SYT7: variants seen among roughly 807,000 people sequenced by gnomAD.
The protein encoded by SYT7 is synaptotagmin 7, also known as synaptotagmin-7.
A neutral mutation model predicts 75.1 loss-of-function variants in SYT7; 29 were observed. The ratio of observed to expected loss-of-function variants is 0.39; its 90% CI spans 0.29 to 0.53. The LOEUF is 0.53. Ranked by LOEUF, SYT7 falls within the 20% of genes least tolerant of loss-of-function variation. SYT7 has a pLI of 0.77. For missense variants in SYT7, 693 were observed against 953.2 expected (o/e 0.73, Z 3.59); for synonymous variants, 376 against 401.7 (o/e 0.94, Z 0.76).
At chr11:61,562,941 G>A (rs1012628031) in intron 1 of SYT7, among the ~76,000 whole-genome samples, 3 of 152,150 alleles carry the variant, frequency 2.0e-5, no homozygotes, top group African/African-American at 7.2e-5. Context: ...GCAGGAGAGG[G>A]AATGGCTTTC....
rs1340510632 is a variant in SYT7, at chr11:61,523,850, G to A, written c.1733C>T (p.Ala578Val). Residue 578 changes from alanine to valine, a missense_variant, in exon 11 of 13, where the codon GCC becomes GTC. Ala to Val is a moderately conservative substitution (Grantham distance 64). Transcript: ENST00000539008. The surrounding 1 kb of genome is among the most constrained non-coding windows in gnomAD (Gnocchi z 5.0). ...VNIIKARNLK[A>V]MDIGGTSDPY... ...ACCTGATGTGCCCCCGATGTCCATG[G>A]CTTTGAGGTTCCGGGCTTTGATGAT... 1 of 1,613,900 alleles carries A rather than the reference G, an allele frequency of 6.2e-7. No individual in the cohort carries two copies. Among genetic ancestry groups the A allele is most frequent in the African/African-American group, 1.3e-5 (1 of 74,890 alleles).
rs1195970412 is a variant in SYT7 at position 61,546,667 on chromosome 11, G to A, written c.348-412C>T. The A allele has an allele frequency of 6.5e-6, 3 of 462,398 alleles. No homozygotes were observed. 28.6% of individuals were successfully genotyped at this position (462,398 alleles called of 1,614,324 possible). A position where few individuals can be genotyped will look rare whatever the true frequency, so the allele number is the denominator to read the frequency against. On this transcript the variant is annotated intron_variant, in intron 4 of 12. Transcript: ENST00000539008. This position sits in a 1 kb window ranked among gnomAD's most constrained non-coding sequence, Gnocchi z 7.6. The stretch of plus-strand genomic sequence containing the variant: ...CGACGGAGGAAGAGCGGGCTGTCCA[G>A]GCCAGGAGGCCCCAAGGCAGGGAGA...
Position 61,523,270 on chromosome 11 carries a change from G to A in SYT7, c.1761C>T (p.Pro587=). ...KAMDIGGTSD[P]YVKVWLMYKD... is the part of the protein sequence containing the mutation. ...TGTACATCAGCCATACCTTCACGTA[G>A]GGGTCTAGGGGAGGGAGTGGGGAAG... Residue 587 remains proline, a synonymous_variant, in exon 12 of 13, where the codon CCC becomes CCT. Coordinates refer to ENST00000539008, the MANE Select transcript of SYT7 (RefSeq NM_001365809.2). The surrounding 1 kb of genome is among the most constrained non-coding windows in gnomAD (Gnocchi z 5.0). 6.2e-7 allele frequency: 1 copy of A among 1,614,196 alleles called. No individual in the cohort carries two copies. Among genetic ancestry groups the A allele is most frequent in the East Asian group, 2.2e-5 (1 of 44,874 alleles).
At chr11:61,557,963 G>A (rs1180922187) in intron 1 of SYT7, among the ~76,000 whole-genome samples, 2 of 152,228 alleles carry the variant, frequency 1.3e-5, no homozygotes, top group Non-Finnish European at 2.9e-5. Flanking sequence ...GGACTCCAGG[G>A]AAGGGATGGG....
At position 61,517,110 on chromosome 11, in the gene SYT7, G is replaced by A. The variant is rs1167954193; in HGVS notation, c.*1517C>T. The A allele has an allele frequency of 2.5e-6, 1 of 396,330 alleles. No homozygotes were observed. The highest frequency in any genetic ancestry group is 4.4e-6 in the Non-Finnish European group (1 of 225,200). 24.6% of individuals were successfully genotyped at this position (396,330 alleles called of 1,614,324 possible). On this transcript the variant is annotated 3_prime_UTR_variant, in exon 13 of 13. Coordinates refer to ENST00000539008, the MANE Select transcript of SYT7 (RefSeq NM_001365809.2). The stretch of plus-strand genomic sequence containing the variant: ...GACTGTGGGGGCCTGGCGCCACCTG[G>A]CGGTAGTTCTGGGAATGTCAGGCCC...
chr11:61,545,418 G>A (rs906290133), intron 5 of SYT7, among the ~76,000 whole-genome samples: 3 of 152,264 alleles, frequency 2.0e-5, no homozygotes, highest in Non-Finnish European at 2.9e-5. Flanking sequence ...GACAGCCAAC[G>A]GGGATGGCTG....
At position 61,532,935 on chromosome 11, in the gene SYT7, C is replaced by G. The variant is rs780191197; in HGVS notation, c.1200+54G>C. 8.6e-5 allele frequency: 138 copies of G among 1,602,216 alleles called. 1 individual carries two copies. In the African/African-American group the frequency reaches 1.0e-3, roughly 12 times the overall value. Reference sequence around the variant, plus strand: ...CCCACACACATCCCTCTTCTTCCTGCCCCTGGCCTCCCAGCCCAGTTCCTT... The same window carrying G: ...CCCACACACATCCCTCTTCTTCCTGGCCCTGGCCTCCCAGCCCAGTTCCTT... On this transcript the variant is annotated intron_variant, in intron 8 of 12. Coordinates refer to ENST00000539008, the MANE Select transcript of SYT7 (RefSeq NM_001365809.2).
At chr11:61,554,557 CT>C (rs2063440979) in intron 2 of SYT7, among the ~76,000 whole-genome samples, 1 of 152,190 alleles carries the variant, frequency 6.6e-6, no homozygotes, top group Non-Finnish European at 1.5e-5. Context: ...TCAGCGCCTG[CT>C]CATGCAGCCT....
intron 6 of SYT7, chr11:61,541,426 G>T: frequency 2.2e-6 from 1 of 460,348 alleles, no homozygotes; most frequent in Non-Finnish European, 2.9e-6. Context: ...TTCCTGGGTG[G>T]GGCCCCTCCA....
chr11:61,587,011 C>G, the SYT7 span, among the ~76,000 whole-genome samples: 1 of 152,148 alleles, frequency 6.6e-6, no homozygotes, highest in African/African-American at 2.4e-5. Flanking sequence ...TGATGGGAAC[C>G]AAGCAGAAGC....
At chr11:61,564,404 T>C (rs1460108960) in intron 1 of SYT7, among the ~76,000 whole-genome samples, 1 of 152,228 alleles carries the variant, frequency 6.6e-6, no homozygotes, top group African/African-American at 2.4e-5. Flanking sequence ...CCCAAGTGTC[T>C]TTCATTACAG....
rs1256576239 is a variant in SYT7 at position 61,546,635 on chromosome 11, G to A, written c.348-380C>T. ...CAACTCTATCCCACAGGACAACGAA[G>A]GGTTAACGACGGAGGAAGAGCGGGC... On this transcript the variant is annotated intron_variant, in intron 4 of 12. Coordinates refer to ENST00000539008, the MANE Select transcript of SYT7 (RefSeq NM_001365809.2). This position sits in a 1 kb window ranked among gnomAD's most constrained non-coding sequence, Gnocchi z 7.6. 2.1e-6 allele frequency: 1 copy of A among 470,546 alleles called. No individual in the cohort carries two copies. The highest frequency in any genetic ancestry group is 6.5e-5 in the East Asian group (1 of 15,424). The allele number at this position is 470,546 out of a possible 1,614,324, so 29.1% of individuals were successfully genotyped here.
At chr11:61,522,187 CTTTTT>C (rs60616538) in intron 12 of SYT7, among the ~76,000 whole-genome samples, 2 of 114,274 alleles carry the variant, frequency 1.8e-5, no homozygotes, top group African/African-American at 3.4e-5. Flanking sequence ...GAAGAGATCA[CTTTTT>C]TTTTTTTTTT....
At chr11:61,568,021 C>A (rs955501427) in intron 1 of SYT7, among the ~76,000 whole-genome samples, 6 of 152,228 alleles carry the variant, frequency 3.9e-5, no homozygotes, top group Non-Finnish European at 8.8e-5. Context: ...CAAACACCAA[C>A]CTTTCCTCTG....
chr11:61,523,819 C>T lies in SYT7; in HGVS notation c.1756+8G>A, dbSNP rs1402247693. 1 of 1,613,298 alleles carries T rather than the reference C, an allele frequency of 6.2e-7. No homozygotes were observed. The highest frequency in any genetic ancestry group is 1.3e-5 in the African/African-American group (1 of 74,860). On this transcript the variant is annotated splice_region_variant and intron_variant, in intron 11 of 12. Transcript: ENST00000539008. The surrounding 1 kb of genome is among the most constrained non-coding windows in gnomAD (Gnocchi z 5.0). ...GCCCGCCCATCCTCTGCTGGAGAAG[C>T]CCCGTACCTGATGTGCCCCCGATGT...
Position 61,576,051 on chromosome 11 carries a change from T to C in SYT7, c.31+4739A>G, listed in dbSNP as rs2064065703. 6.6e-6 allele frequency among the ~76,000 whole-genome samples: 1 copy of C among 152,192 alleles called. No individual in the cohort carries two copies. The highest frequency in any genetic ancestry group is 2.1e-4 in the South Asian group (1 of 4,832). On this transcript the variant is annotated intron_variant, in intron 1 of 12. Coordinates refer to ENST00000539008, the MANE Select transcript of SYT7 (RefSeq NM_001365809.2). This position sits in a 1 kb window ranked among gnomAD's most constrained non-coding sequence, Gnocchi z 4.1. The stretch of plus-strand genomic sequence containing the variant: ...CAGAGACTCCCCAGAGCAGGCCGGA[T>C]GCACCTGCCCGCCTTCCAACCAACT...
At chr11:61,573,249 C>A (rs1042254453) in intron 1 of SYT7, among the ~76,000 whole-genome samples, 3 of 152,168 alleles carry the variant, frequency 2.0e-5, no homozygotes, top group Non-Finnish European at 4.4e-5. Context: ...GTCCACAGGG[C>A]CCTGGGCCTG....
intron 3 of SYT7, among the ~76,000 whole-genome samples, chr11:61,549,264 G>A (rs1168079386): frequency 6.6e-6 from 1 of 152,118 alleles, no homozygotes; most frequent in African/African-American, 2.4e-5. Flanking sequence ...TTTTTCCACT[G>A]CGGTACTGGA....
chr11:61,562,282 G>A (rs1002839686), intron 1 of SYT7, among the ~76,000 whole-genome samples: 3 of 152,152 alleles, frequency 2.0e-5, no homozygotes, highest in Admixed American at 6.5e-5. Flanking sequence ...AGTGATTAGT[G>A]CCAGGCCTCT....
Sources: allele counts gnomAD v4.1 joint callset (sites outside exome capture counted in the v4.1 genomes callset), GRCh38; gene constraint gnomAD v4.1.1; non-coding constraint Gnocchi (gnomAD v3.1); transcripts MANE v1.5; gene names NCBI Gene and HGNC (gene_info 2026-07-23, HGNC 2026-07-21).